POTEF: variants seen among roughly 807,000 people sequenced by gnomAD.
The protein encoded by POTEF is ANKRD26-like family C member 1B.
POTEF carries 20 observed loss-of-function variants against 83.2 expected under a neutral mutation model. The ratio of observed to expected loss-of-function variants is 0.24; its 90% confidence interval spans 0.17 to 0.35. POTEF has a LOEUF of 0.35. POTEF is among the 10% of genes least tolerant of loss of function. The pLI is 1.00. For missense variants in POTEF, 550 were observed against 1,203.2 expected (o/e 0.46, Z 8.03); for synonymous variants, 196 against 446.4 (o/e 0.44, Z 7.07).
chr2:130,119,942 ATGTC>A, intron 3 of POTEF, 49 bp downstream of exon 3: 1 of 1,423,824 alleles, frequency 7.0e-7, no homozygotes, highest in African/African-American at 1.9e-5. Flanking sequence ...CCAGGAGGGT[ATGTC>A]CCCATCATCC....
chr2:130,095,200 T>C (rs1267558727), intron 11 of POTEF, among the ~76,000 whole-genome samples: 1 of 91,312 alleles, frequency 1.1e-5, no homozygotes, highest in African/African-American at 4.7e-5. Flanking sequence ...GTTAATTTTT[T>C]TGTATTTTTA....
intron 6 of POTEF, among the ~76,000 whole-genome samples, chr2:130,111,123 G>A (rs1395714010): frequency 6.7e-6 from 1 of 148,994 alleles, no homozygotes; most frequent in Admixed American, 6.6e-5. Flanking sequence ...TTCAGTTAAT[G>A]GTGCCAATAA....
At chr2:130,128,639 C>G in intron 1 of POTEF, among the ~76,000 whole-genome samples, 1 of 152,048 alleles carries the variant, frequency 6.6e-6, no homozygotes, top group South Asian at 2.1e-4. Flanking sequence ...CAAGACAATG[C>G]CTCAAAATCG....
chr2:130,083,409 T>C (rs1573592986), intron 15 of POTEF, among the ~76,000 whole-genome samples: 1 of 147,866 alleles, frequency 6.8e-6, no homozygotes, highest in East Asian at 2.0e-4. Flanking sequence ...AGGAGAAAGA[T>C]GAGGAGCAGC....
intron 2 of POTEF, among the ~76,000 whole-genome samples, chr2:130,127,252 G>A (rs541366116): frequency 7.8e-6 from 1 of 127,544 alleles, no homozygotes; most frequent in African/African-American, 3.0e-5. Flanking sequence ...GTGAACCCAG[G>A]AAGCAGAGCT....
chr2:130,104,995 T>G (rs990417925), intron 8 of POTEF, among the ~76,000 whole-genome samples: 27 of 150,866 alleles, frequency 1.8e-4, no homozygotes, highest in African/African-American at 6.2e-4. Context: ...CCTGCTGCTC[T>G]TTGCTCTTCT....
rs1684798284 is a variant in POTEF at position 130,114,752 on chromosome 2, A to T, written c.810+129T>A. 32 of 1,377,390 alleles carry T rather than the reference A, an allele frequency of 2.3e-5. No individual in the cohort carries two copies. In the South Asian group the frequency reaches 4.6e-4, roughly 20 times the overall value. 85.3% of individuals were successfully genotyped at this position (1,377,390 alleles called of 1,614,324 possible). A position where few individuals can be genotyped will look rare whatever the true frequency, so the allele number is the denominator to read the frequency against. ...ATTTAAAATGAAGTCTTAGATAATT[A>T]GGTCATTTCAAAATATTTCCATTCA... On this transcript the variant is annotated intron_variant, in intron 5 of 16. Transcript: ENST00000409914.
chr2:130,125,964 T>G (rs1573619834), intron 2 of POTEF, among the ~76,000 whole-genome samples: 2 of 148,026 alleles, frequency 1.4e-5, no homozygotes, highest in Admixed American at 1.3e-4. Context: ...TGCAAAGAGG[T>G]GGTGATGAAC....
chr2:130,095,102 A>G (rs1042869758), intron 11 of POTEF, among the ~76,000 whole-genome samples: 1 of 71,854 alleles, frequency 1.4e-5, no homozygotes, highest in African/African-American at 5.7e-5. Flanking sequence ...ATCTTGGCTC[A>G]CTGCAAGCTC....
intron 2 of POTEF, among the ~76,000 whole-genome samples, chr2:130,124,404 A>G (rs1685051886): frequency 9.8e-6 from 1 of 101,988 alleles, no homozygotes; most frequent in Non-Finnish European, 1.9e-5. Flanking sequence ...ATCATAACAC[A>G]ACTTCCACAG....
At chr2:130,078,385 AC>A (rs1210964907) in intron 15 of POTEF, among the ~76,000 whole-genome samples, 1 of 90,092 alleles carries the variant, frequency 1.1e-5, no homozygotes, top group African/African-American at 4.1e-5. Context: ...CTAGGAATAT[AC>A]TTAATGAAAA....
At chr2:130,112,679 A>T (rs1182530578) in intron 5 of POTEF, among the ~76,000 whole-genome samples, 1 of 138,252 alleles carries the variant, frequency 7.2e-6, no homozygotes, top group Admixed American at 7.6e-5. Context: ...TCATAGGACT[A>T]CTGAAACTAA....
chr2:130,103,150 G>C (rs1177877554), intron 8 of POTEF, among the ~76,000 whole-genome samples: 1 of 145,976 alleles, frequency 6.9e-6, no homozygotes, highest in East Asian at 2.0e-4. Flanking sequence ...CACCAGGCTG[G>C]AGTGCAGTGG....
intron 11 of POTEF, among the ~76,000 whole-genome samples, chr2:130,095,025 CTTTTTTT>C (rs1189045004): frequency 9.3e-6 from 1 of 107,100 alleles, no homozygotes; most frequent in African/African-American, 3.4e-5. Context: ...CCATGTCAAA[CTTTTTTT>C]TTTTTTTTTT....
At chr2:130,118,830 C>G (rs1684917695) in intron 3 of POTEF, among the ~76,000 whole-genome samples, 1 of 151,330 alleles carries the variant, frequency 6.6e-6, no homozygotes, top group African/African-American at 2.4e-5. Context: ...AAAAATCTAG[C>G]TAGTTTTCTC....
chr2:130,095,025 CTTTTT>C (rs1189045004), intron 11 of POTEF, among the ~76,000 whole-genome samples: 2 of 107,098 alleles, frequency 1.9e-5, no homozygotes. Context: ...CCATGTCAAA[CTTTTT>C]TTTTTTTTTT....
rs146439959 is a variant in POTEF, at chr2:130,105,536, T to C, written c.1126+2473A>G. Among the ~76,000 whole-genome samples, 1,018 of 151,808 alleles carry C rather than the reference T, an allele frequency of 6.7e-3. 57 individuals carry two copies. The highest frequency in any genetic ancestry group is 0.024 in the African/African-American group (981 of 41,048). ...CACAGGCCAAATCCAATCTGCCTTA[T>C]GGCTTTGTAAATAAAGTTTTATAGG... On this transcript the variant is annotated intron_variant, in intron 8 of 16. Transcript: ENST00000409914.
intron 3 of POTEF, among the ~76,000 whole-genome samples, chr2:130,118,961 G>A (rs1236188487): frequency 6.6e-6 from 1 of 151,128 alleles, no homozygotes; most frequent in African/African-American, 2.4e-5. Flanking sequence ...TGTATTCATT[G>A]ATGTCTTTTC....
intron 11 of POTEF, among the ~76,000 whole-genome samples, chr2:130,095,204 A>G (rs1314694632): frequency 3.3e-5 from 3 of 90,126 alleles, no homozygotes; most frequent in Non-Finnish European, 6.6e-5. Flanking sequence ...ATTTTTTTGT[A>G]TTTTTAGTAG....
Sources: allele counts gnomAD v4.1 joint callset (sites outside exome capture counted in the v4.1 genomes callset), GRCh38; gene constraint gnomAD v4.1.1; transcripts MANE v1.5; gene names NCBI Gene and HGNC (gene_info 2026-07-23, HGNC 2026-07-21).